GRIN2A: variants seen among roughly 807,000 people sequenced by gnomAD.
GRIN2A encodes glutamate ionotropic receptor NMDA type subunit 2A, also known as glutamate receptor ionotropic, NMDA 2A.
In GRIN2A, 22 loss-of-function variants were observed where a neutral mutation model predicts 113.4. The observed-to-expected ratio is 0.19, with a 90% CI of 0.14 to 0.28. GRIN2A has a LOEUF of 0.28. Among genes scored for constraint, GRIN2A ranks in the 10% least tolerant of loss-of-function variants. The pLI, the probability that GRIN2A is intolerant of heterozygous loss-of-function variation, is 1.00. For synonymous variants in GRIN2A, 827 were observed against 738.4 expected (o/e 1.12, Z -1.94); for missense variants, 1,502 against 1,887.0 (o/e 0.80, Z 3.78).
At chr16:9,963,343 C>A (rs1292304141) in intron 2 of GRIN2A, among the ~76,000 whole-genome samples, 1 of 151,974 alleles carries the variant, frequency 6.6e-6, no homozygotes, top group African/African-American at 2.4e-5. Flanking sequence ...TATACACGTG[C>A]CATGGTGGTT....
At chr16:10,009,822 C>G (rs1243435674) in intron 2 of GRIN2A, among the ~76,000 whole-genome samples, 1 of 152,030 alleles carries the variant, frequency 6.6e-6, no homozygotes, top group Non-Finnish European at 1.5e-5. Flanking sequence ...CTGCATAGAA[C>G]AGAAGAGTCC....
At position 9,822,476 on chromosome 16, in the gene GRIN2A, G is replaced by A. The variant is rs772840894; in HGVS notation, c.2008-52C>T. 42 of 1,160,110 alleles carry A rather than the reference G, an allele frequency of 3.6e-5. No homozygotes were observed. The South Asian group carries it at 5.0e-4, about 14-fold the overall frequency. 71.9% of individuals were successfully genotyped at this position (1,160,110 alleles called of 1,614,324 possible). ...AGAGAGTAGGAAAAGAAAGAGAAGG[G>A]AGGAGGGGGAGGAGAGAACAAATAA... On this transcript the variant is annotated intron_variant, in intron 9 of 12. Transcript: ENST00000330684.
At chr16:9,957,894 G>T (rs1050237544) in intron 2 of GRIN2A, among the ~76,000 whole-genome samples, 3 of 152,140 alleles carry the variant, frequency 2.0e-5, no homozygotes, top group Admixed American at 6.6e-5. Flanking sequence ...CACATTGGTT[G>T]CCCCCATGAG....
intron 2 of GRIN2A, among the ~76,000 whole-genome samples, chr16:10,064,061 T>C (rs975738310): frequency 1.3e-5 from 2 of 152,236 alleles, no homozygotes; most frequent in South Asian, 2.1e-4. Flanking sequence ...TGTGTCATTT[T>C]TCAATGATCC....
intron 2 of GRIN2A, among the ~76,000 whole-genome samples, chr16:10,104,923 T>TAAACGATATGAC (rs1416412340): frequency 6.6e-6 from 1 of 152,158 alleles, no homozygotes; most frequent in East Asian, 1.9e-4. Flanking sequence ...CACGATATGA[T>TAAACGATATGAC]AAATGATATG....
chr16:9,763,120 C>G lies in GRIN2A; in HGVS notation c.*29G>C. ...GAACATTGGCCATTACGTATATTTC[C>G]CTATAGATAAAACATTAATGGAAGA... On this transcript the variant is annotated 3_prime_UTR_variant, in exon 13 of 13. Coordinates refer to ENST00000330684, the MANE Select transcript of GRIN2A (RefSeq NM_001134407.3). 1 of 1,605,952 alleles carries G rather than the reference C, an allele frequency of 6.2e-7. No homozygotes were observed. The highest frequency in any genetic ancestry group is 8.5e-7 in the Non-Finnish European group (1 of 1,173,472).
At chr16:10,129,963 G>GC (rs1479613212) in intron 2 of GRIN2A, among the ~76,000 whole-genome samples, 1 of 152,230 alleles carries the variant, frequency 6.6e-6, no homozygotes, top group Non-Finnish European at 1.5e-5. Context: ...TAAGGGCAGA[G>GC]CTAGAAGCCC....
intron 4 of GRIN2A, among the ~76,000 whole-genome samples, chr16:9,864,696 A>G (rs1443857574): frequency 2.6e-5 from 4 of 152,192 alleles, no homozygotes; most frequent in African/African-American, 4.8e-5. Flanking sequence ...AGAGTTTTGC[A>G]ATAAGGTTAC....
At chr16:9,902,173 T>A (rs2043942370) in intron 3 of GRIN2A, among the ~76,000 whole-genome samples, 1 of 152,192 alleles carries the variant, frequency 6.6e-6, no homozygotes, top group Non-Finnish European at 1.5e-5. Context: ...GAACCTCCAA[T>A]AATAAAGCTT....
At position 9,843,034 on chromosome 16, in the gene GRIN2A, TAGAA is replaced by T. The variant is rs530903566; in HGVS notation, c.1329-1934_1329-1931del. Among the ~76,000 whole-genome samples, 97 of 95,504 alleles carry T rather than the reference TAGAA, an allele frequency of 1.0e-3. 1 individual carries two copies. Among genetic ancestry groups the T allele is most frequent in the African/African-American group, 2.7e-3 (68 of 25,308 alleles). The allele number at this position is 95,504 out of a possible 152,430, so 62.7% of individuals were successfully genotyped here. Reference sequence around the variant, plus strand: ...GAGAAAAAGGGGGGAGAGGGAGAGATAGAAAGAAAGAAAGAGAGAGAGAGAAAGA... The same window carrying T: ...GAGAAAAAGGGGGGAGAGGGAGAGATAGAAAGAAAGAGAGAGAGAGAAAGA... On this transcript the variant is annotated intron_variant, in intron 5 of 12. Coordinates refer to ENST00000330684, the MANE Select transcript of GRIN2A (RefSeq NM_001134407.3).
intron 2 of GRIN2A, among the ~76,000 whole-genome samples, chr16:10,053,779 C>T (rs957638414): frequency 5.9e-5 from 9 of 152,050 alleles, no homozygotes; most frequent in Non-Finnish European, 8.8e-5. Context: ...TGGCAAGAAC[C>T]GCAAATACTT....
At chr16:9,864,014 C>T (rs1038190793) in intron 4 of GRIN2A, among the ~76,000 whole-genome samples, 1 of 152,116 alleles carries the variant, frequency 6.6e-6, no homozygotes, top group Admixed American at 6.6e-5. Flanking sequence ...GAGAACTTGA[C>T]CTAAGGACAG....
At chr16:10,157,297 T>G (rs1184294301) in intron 2 of GRIN2A, among the ~76,000 whole-genome samples, 5 of 152,200 alleles carry the variant, frequency 3.3e-5, no homozygotes, top group Admixed American at 2.6e-4. Flanking sequence ...AAAATAATAT[T>G]AAAAGTATGC....
rs568808844 is a variant in GRIN2A, at chr16:10,158,184, T to C, written c.414+21814A>G. 3.3e-5 allele frequency among the ~76,000 whole-genome samples: 5 copies of C among 152,182 alleles called. No individual in the cohort carries two copies. The East Asian group carries it at 9.7e-4, about 29-fold the overall frequency. ...CACACCCGGCTAATTTTCATATTTT[T>C]TGTAGAGACAGGATTCCACCATATT... On this transcript the variant is annotated intron_variant, in intron 2 of 12. Transcript: ENST00000330684.
intron 2 of GRIN2A, among the ~76,000 whole-genome samples, chr16:10,023,992 TG>T (rs1219699819): frequency 6.6e-6 from 1 of 152,196 alleles, no homozygotes; most frequent in Non-Finnish European, 1.5e-5. Context: ...AAGAACAGGT[TG>T]GGGCTTAGAG....
chr16:9,824,790 A>G (rs2042355670), intron 9 of GRIN2A, among the ~76,000 whole-genome samples: 2 of 151,990 alleles, frequency 1.3e-5, no homozygotes, highest in Admixed American at 1.3e-4. Context: ...ATTATGTTCT[A>G]TTTTTTTAAA....
chr16:10,112,754 C>A, intron 2 of GRIN2A: 1 of 720,214 alleles, frequency 1.4e-6, no homozygotes. Flanking sequence ...TTGTGCCCTA[C>A]CTCATAGCGA....
chr16:10,014,589 T>C (rs944875489), intron 2 of GRIN2A, among the ~76,000 whole-genome samples: 4 of 152,156 alleles, frequency 2.6e-5, no homozygotes, highest in Admixed American at 2.0e-4. Context: ...AATGGACCAC[T>C]CTGAAACCAA....
chr16:9,941,520 C>T (rs148983248), intron 2 of GRIN2A, among the ~76,000 whole-genome samples: 1 of 152,208 alleles, frequency 6.6e-6, no homozygotes, highest in Non-Finnish European at 1.5e-5. Context: ...GTCTCCACCC[C>T]CTGTCATGCC....
Sources: allele counts gnomAD v4.1 joint callset (sites outside exome capture counted in the v4.1 genomes callset), GRCh38; gene constraint gnomAD v4.1.1; transcripts MANE v1.5; gene names NCBI Gene and HGNC (gene_info 2026-07-23, HGNC 2026-07-21).